Variants in PXN observed in about 807,000 individuals in gnomAD.
PXN encodes the protein testicular tissue protein Li 134.
Under a neutral mutation model 103.6 loss-of-function variants are expected in PXN, and 61 were observed. The observed-to-expected ratio is 0.59, with a 90% CI of 0.48 to 0.73. The LOEUF (loss-of-function observed/expected upper bound fraction) is 0.73. Ranked by LOEUF, PXN falls within the 30% of genes least tolerant of loss-of-function variation. The probability of loss-of-function intolerance (pLI) is 0.00; values close to 1 mark genes in which losing one functional copy is unlikely to be tolerated. For missense variants in PXN, 1,274 were observed against 1,460.3 expected (o/e 0.87, Z 2.08); for synonymous variants, 562 against 607.8 (o/e 0.92, Z 1.11).
At chr12:120,249,277 G>C (rs1634815) in intron 1 of PXN, among the ~76,000 whole-genome samples, 40,580 of 152,078 alleles carry the variant, frequency 0.27, 7,833 homozygotes, top group East Asian at 0.55. Flanking sequence ...AAACTCCCAA[G>C]CATAGGAGGA....
At position 120,213,748 on chromosome 12, in the gene PXN, C is replaced by T. The variant is rs1881316643; in HGVS notation, c.2979+94G>A. ...CCCCAATTAATAACCCCAAATGAGG[C>T]CTCTGAGTTGGATCCAGACAGCACA... On this transcript the variant is annotated intron_variant, in intron 14 of 14. Transcript: ENST00000637617. The surrounding 1 kb of genome is among the most constrained non-coding windows in gnomAD (Gnocchi z 4.2). 1.4e-6 allele frequency: 2 copies of T among 1,477,526 alleles called. No homozygotes were observed. Among genetic ancestry groups the T allele is most frequent in the African/African-American group, 1.4e-5 (1 of 71,510 alleles). The allele number at this position is 1,477,526 out of a possible 1,614,324, so 91.5% of individuals were successfully genotyped here. A position where few individuals can be genotyped will look rare whatever the true frequency, so the allele number is the denominator to read the frequency against.
intron 1 of PXN, chr12:120,227,070 C>T (rs951692726): frequency 1.0e-6 from 1 of 986,062 alleles, no homozygotes; most frequent in African/African-American, 1.7e-5. Flanking sequence ...TTCTAAGTCT[C>T]CTAAGTCTTT....
intron 1 of PXN, among the ~76,000 whole-genome samples, chr12:120,238,829 C>T (rs2136482913): frequency 6.6e-6 from 1 of 152,312 alleles, no homozygotes; most frequent in South Asian, 2.1e-4. Flanking sequence ...GGGTGAACCC[C>T]ATCATTCCTC....
At chr12:120,237,638 C>T (rs994372370) in intron 1 of PXN, among the ~76,000 whole-genome samples, 35 of 152,096 alleles carry the variant, frequency 2.3e-4, no homozygotes, top group Middle Eastern at 3.2e-3. Context: ...AGGCTAGCTG[C>T]CCCCAGAGTG....
chr12:120,232,245 T>G lies in PXN; in HGVS notation c.14-7868A>C, dbSNP rs79549992. ...TATGTTGCCCAAGCTGGTCTTGAACTCCTGGCCTCAAGCCATCTTCCTGCC... is the reference window on the plus strand; with the variant it reads ...TATGTTGCCCAAGCTGGTCTTGAACGCCTGGCCTCAAGCCATCTTCCTGCC... On this transcript the variant is annotated intron_variant, in intron 1 of 14. Transcript: ENST00000637617. Among the ~76,000 whole-genome samples the G allele has an allele frequency of 1.1e-4, 17 of 152,312 alleles. No homozygotes were observed. In the East Asian group the frequency reaches 3.3e-3, roughly 29 times the overall value.
In PXN at chr12:120,224,079, T is replaced by TA; in HGVS notation, c.240+71dup. 1 of 1,277,168 alleles carries TA rather than the reference T, an allele frequency of 7.8e-7. No homozygotes were observed. Among genetic ancestry groups the TA allele is most frequent in the Non-Finnish European group, 1.1e-6 (1 of 928,684 alleles). 79.1% of individuals were successfully genotyped at this position (1,277,168 alleles called of 1,614,324 possible). On this transcript the variant is annotated intron_variant, in intron 2 of 14. Transcript: ENST00000637617. This position sits in a 1 kb window ranked among gnomAD's most constrained non-coding sequence, Gnocchi z 5.0. ...AATTCCATTCCATCCCCTGGCTCCC[T>TA]AAGCCCCTGCCAGCTAAGTTCCCTC...
At chr12:120,256,564 T>C (rs1037332429) in intron 1 of PXN, among the ~76,000 whole-genome samples, 1 of 148,774 alleles carries the variant, frequency 6.7e-6, no homozygotes, top group Non-Finnish European at 1.5e-5. Flanking sequence ...GGTAGAAAGA[T>C]GGGGACGTGG....
chr12:120,261,969 T>C (rs896138672), intron 1 of PXN, among the ~76,000 whole-genome samples: 1 of 152,210 alleles, frequency 6.6e-6, no homozygotes, highest in African/African-American at 2.4e-5. Flanking sequence ...GGTCTGGCAC[T>C]GATGCAGAGC....
chr12:120,241,061 C>T (rs1346336860), intron 1 of PXN, among the ~76,000 whole-genome samples: 1 of 152,200 alleles, frequency 6.6e-6, no homozygotes, highest in African/African-American at 2.4e-5. Context: ...TCCTGGGGAT[C>T]TGTGGACCAC....
chr12:120,222,833 G>A lies in PXN; in HGVS notation c.493+30C>T, dbSNP rs773495829. On this transcript the variant is annotated intron_variant, in intron 4 of 14. Transcript: ENST00000637617. The surrounding 1 kb of genome is among the most constrained non-coding windows in gnomAD (Gnocchi z 4.7). Reference sequence around the variant, plus strand: ...GTCAGCAGATGGGCCCTGGGCCCTGGTAGACCCTGCCCCAGGGACCCGGTC... The same window carrying A: ...GTCAGCAGATGGGCCCTGGGCCCTGATAGACCCTGCCCCAGGGACCCGGTC... The A allele has an allele frequency of 3.1e-6, 5 of 1,610,990 alleles. No homozygotes were observed. The Admixed American group carries it at 6.8e-5, about 22-fold the overall frequency.
rs75945621 is a variant in PXN at position 120,262,623 on chromosome 12, T to A, written c.13+2994A>T. Among the ~76,000 whole-genome samples the A allele has an allele frequency of 5.8e-3, 881 of 152,230 alleles. 6 individuals are homozygous for A. Among genetic ancestry groups the A allele is most frequent in the Middle Eastern group, 0.01 (3 of 294 alleles). On this transcript the variant is annotated intron_variant, in intron 1 of 14. Coordinates refer to ENST00000637617, the MANE Select transcript of PXN (RefSeq NM_001385981.1). The stretch of plus-strand genomic sequence containing the variant: ...TAAAGTGCTGAGTACAGTGCCTGTC[T>A]CCCATGAAGCGCACATGATCATGAT...
chr12:120,228,719 C>G lies in PXN; in HGVS notation c.14-4342G>C, dbSNP rs1164310106. ...AGCCTGGTATCACTTGAAGGCACAA[C>G]CCAAGGGTGACATGCAGGGCTCTGG... On this transcript the variant is annotated intron_variant, in intron 1 of 14. Coordinates refer to ENST00000637617, the MANE Select transcript of PXN (RefSeq NM_001385981.1). This position sits in a 1 kb window ranked among gnomAD's most constrained non-coding sequence, Gnocchi z 4.7. Among the ~76,000 whole-genome samples the G allele has an allele frequency of 6.6e-6, 1 of 152,212 alleles. No individual in the cohort carries two copies. The highest frequency in any genetic ancestry group is 1.5e-5 in the Non-Finnish European group (1 of 68,034).
intron 1 of PXN, among the ~76,000 whole-genome samples, chr12:120,230,434 T>A (rs889440170): frequency 3.3e-5 from 5 of 152,202 alleles, no homozygotes; most frequent in Admixed American, 1.3e-4. Context: ...TTGGTAGCTC[T>A]GAGTGTCAGA....
rs1402174088 is a variant in PXN at position 120,214,192 on chromosome 12, G to A, written c.2774C>T (p.Thr925Met). The change falls in exon 13 of 15, where the codon ACG becomes ATG. Residue 925 changes from threonine to methionine, a missense_variant. This residue lies in a region of PXN where 1,178 missense variants were observed against 1,309.0 expected (regional missense o/e 0.90). Coordinates refer to ENST00000637617, the MANE Select transcript of PXN (RefSeq NM_001385981.1). This position sits in a 1 kb window ranked among gnomAD's most constrained non-coding sequence, Gnocchi z 5.0. ...LDKVVTALDRTWHPEHFFCAQ... is the reference protein window; with the variant it reads ...LDKVVTALDRMWHPEHFFCAQ... ...ACAGAAGAAGTGTTCAGGGTGCCAC[G>A]TCCGGTCAAGGGCTGTCACCACTTT... 2.6e-6 allele frequency: 4 copies of A among 1,551,882 alleles called. No individual in the cohort carries two copies. The highest frequency in any genetic ancestry group is 2.6e-6 in the Non-Finnish European group (3 of 1,147,224).
Position 120,222,903 on chromosome 12 carries a change from T to C in PXN, c.453A>G (p.Glu151=). ...GCGGGTTATGCTGTACAGCGTTCAG[T>C]TCCAGCAGCAGGCGGTCGAGTTCAG... ...NLSELDRLLL[E]LNAVQHNPPG... The change falls in exon 4 of 15, where the codon GAA becomes GAG. Residue 151 remains glutamate, a synonymous_variant. Transcript: ENST00000637617. The surrounding 1 kb of genome is among the most constrained non-coding windows in gnomAD (Gnocchi z 4.7). The C allele has an allele frequency of 6.2e-7, 1 of 1,613,864 alleles. No homozygotes were observed. Among genetic ancestry groups the C allele is most frequent in the Non-Finnish European group, 8.5e-7 (1 of 1,179,844 alleles).
At chr12:120,256,697 C>G (rs578143614) in intron 1 of PXN, among the ~76,000 whole-genome samples, 4 of 152,158 alleles carry the variant, frequency 2.6e-5, no homozygotes, top group African/African-American at 9.6e-5. Context: ...TCATAGCCTG[C>G]TTTCAATAGG....
chr12:120,231,085 G>A (rs1233223921), intron 1 of PXN, among the ~76,000 whole-genome samples: 2 of 152,252 alleles, frequency 1.3e-5, no homozygotes, highest in African/African-American at 2.4e-5. Flanking sequence ...CAGTGCGGAG[G>A]AGGGGAGCCA....
rs758644009 is a variant in PXN at position 120,213,965 on chromosome 12, G to A, written c.2856C>T (p.Ala952=). 3 of 1,612,606 alleles carry A rather than the reference G, an allele frequency of 1.9e-6. No individual in the cohort carries two copies. In the South Asian group the frequency reaches 3.3e-5, roughly 18 times the overall value. The change falls in exon 14 of 15, where the codon GCC becomes GCT. Residue 952 remains alanine, a synonymous_variant. Coordinates refer to ENST00000637617, the MANE Select transcript of PXN (RefSeq NM_001385981.1). The surrounding 1 kb of genome is among the most constrained non-coding windows in gnomAD (Gnocchi z 4.2). ...TGTCGAAGTAGTCCTTGCGACAGTA[G>A]GCCTTGCCGTCCTTCTCGTGGAACC... is the stretch of plus-strand genomic sequence containing the variant. ...PEGFHEKDGK[A]YCRKDYFDMF... is the part of the protein sequence containing the mutation.
At chr12:120,241,123 A>C (rs1151826) in intron 1 of PXN, among the ~76,000 whole-genome samples, 4,686 of 152,238 alleles carry the variant, frequency 0.031, 197 homozygotes, top group East Asian at 0.1. Flanking sequence ...AGAGATCCCA[A>C]TAGTCATGGC....
Sources: allele counts gnomAD v4.1 joint callset (sites outside exome capture counted in the v4.1 genomes callset), GRCh38; gene constraint gnomAD v4.1.1; regional missense constraint gnomAD v4.1.1; non-coding constraint Gnocchi (gnomAD v3.1); transcripts MANE v1.5; gene names NCBI Gene and HGNC (gene_info 2026-07-23, HGNC 2026-07-21).